PSD3: variants seen among roughly 807,000 people sequenced by gnomAD.
PSD3 encodes PH and SEC7 domain-containing protein 3.
Under a neutral mutation model 105.5 loss-of-function variants are expected in PSD3, and 49 were observed. The observed-to-expected ratio is 0.46, with a 90% confidence interval of 0.37 to 0.59. The LOEUF is 0.59. PSD3 is among the 20% of genes least tolerant of loss of function. PSD3 has a pLI of 0.00. For missense variants in PSD3, 1,561 were observed against 1,263.8 expected (o/e 1.24, Z -3.57); for synonymous variants, 557 against 457.8 (o/e 1.22, Z -2.77).
chr8:18,757,151 C>T (rs1197013993), intron 9 of PSD3, among the ~76,000 whole-genome samples: 12 of 150,004 alleles, frequency 8.0e-5, no homozygotes, highest in African/African-American at 2.2e-4. Flanking sequence ...GCCTAACAGG[C>T]CAAATAAACA....
chr8:18,553,421 A>C (rs1800893672), intron 15 of PSD3, among the ~76,000 whole-genome samples: 2 of 152,224 alleles, frequency 1.3e-5, no homozygotes, highest in Non-Finnish European at 2.9e-5. Context: ...GTCCTGTTAA[A>C]ACAATGAATA....
intron 1 of PSD3, among the ~76,000 whole-genome samples, chr8:18,961,632 A>T (rs1201531909): frequency 1.3e-5 from 2 of 152,186 alleles, no homozygotes; most frequent in Admixed American, 1.3e-4. Flanking sequence ...CGGAGGTTGC[A>T]GCGAGCCGAG....
intron 12 of PSD3, among the ~76,000 whole-genome samples, chr8:18,579,766 A>G (rs1426506251): frequency 1.3e-5 from 2 of 152,232 alleles, no homozygotes; most frequent in African/African-American, 4.8e-5. Context: ...GAAAATGACC[A>G]AATTGTAATT....
chr8:18,672,483 T>C (rs1799838668), intron 9 of PSD3, among the ~76,000 whole-genome samples: 1 of 152,128 alleles, frequency 6.6e-6, no homozygotes. Flanking sequence ...AAACGATCAA[T>C]ACAAACAAAT....
At chr8:18,710,115 G>A (rs926824635) in intron 9 of PSD3, among the ~76,000 whole-genome samples, 2 of 152,132 alleles carry the variant, frequency 1.3e-5, no homozygotes, top group African/African-American at 4.8e-5. Flanking sequence ...TACAGGACCT[G>A]TTAACCAGAA....
At chr8:18,796,111 T>G (rs772455773) in intron 8 of PSD3, among the ~76,000 whole-genome samples, 1 of 152,182 alleles carries the variant, frequency 6.6e-6, no homozygotes, top group African/African-American at 2.4e-5. Flanking sequence ...AAGTAGATAC[T>G]CTTGCTAGGA....
chr8:18,904,502 T>C (rs1819713623), intron 2 of PSD3, among the ~76,000 whole-genome samples: 1 of 152,224 alleles, frequency 6.6e-6, no homozygotes, highest in African/African-American at 2.4e-5. Context: ...AGGTTTAATG[T>C]CTTCCCTGCT....
intron 10 of PSD3, among the ~76,000 whole-genome samples, chr8:18,652,081 G>A (rs983194824): frequency 1.3e-5 from 2 of 152,152 alleles, no homozygotes; most frequent in Admixed American, 6.6e-5. Context: ...GGGTGTCAAA[G>A]ATGATGTAAA....
chr8:18,953,203 A>T (rs1039778429), intron 1 of PSD3, among the ~76,000 whole-genome samples: 3 of 152,214 alleles, frequency 2.0e-5, no homozygotes, highest in Admixed American at 1.3e-4. Flanking sequence ...AAAAAGACTG[A>T]CAATCAATTT....
rs111596349 is a variant in PSD3, at chr8:18,978,557, AT to A, written c.21+35005del. On this transcript the variant is annotated intron_variant, in intron 1 of 15. Transcript: ENST00000327040. ...TCTCTCCATAACCTGAGATGGCTACATCTATGGTTGGACTGGACTAGAGGCA... is the reference window on the plus strand; with the variant it reads ...TCTCTCCATAACCTGAGATGGCTACACTATGGTTGGACTGGACTAGAGGCA... Among the ~76,000 whole-genome samples the A allele has an allele frequency of 2.8e-3, 430 of 152,282 alleles. 2 individuals are homozygous for A. Among genetic ancestry groups the A allele is most frequent in the African/African-American group, 9.9e-3 (411 of 41,572 alleles).
At chr8:18,827,160 C>T (rs982694707) in intron 4 of PSD3, among the ~76,000 whole-genome samples, 2 of 152,210 alleles carry the variant, frequency 1.3e-5, no homozygotes, top group African/African-American at 4.8e-5. Context: ...ATACCCAGAA[C>T]TTCATAGTCT....
chr8:19,080,266 T>C (rs1225957862), intron 1 of PSD3, among the ~76,000 whole-genome samples: 4 of 152,224 alleles, frequency 2.6e-5, no homozygotes, highest in Non-Finnish European at 5.9e-5. Flanking sequence ...ATAGGTATTA[T>C]AGAATTTTTG....
chr8:18,857,780 C>G (rs138668273), intron 4 of PSD3, among the ~76,000 whole-genome samples: 1 of 152,132 alleles, frequency 6.6e-6, no homozygotes, highest in South Asian at 2.1e-4. Flanking sequence ...CAAGTGAATG[C>G]TGTTGGGTGG....
At chr8:18,880,000 A>G (rs889669671) in intron 2 of PSD3, among the ~76,000 whole-genome samples, 4 of 152,160 alleles carry the variant, frequency 2.6e-5, no homozygotes, top group Non-Finnish European at 1.5e-5. Context: ...CTTAATTATC[A>G]TGTCCCTAAG....
At chr8:18,620,342 G>GTTTTTTTTTT (rs57785765) in intron 11 of PSD3, among the ~76,000 whole-genome samples, 3 of 121,728 alleles carry the variant, frequency 2.5e-5, no homozygotes, top group African/African-American at 6.2e-5. Context: ...TTGGGTTTGT[G>GTTTTTTTTTT]TTTTTTTTTT....
rs1263120091 is a variant in PSD3, at chr8:18,850,264, TC to T, written c.1634+17409del. Among the ~76,000 whole-genome samples the T allele has an allele frequency of 2.0e-5, 3 of 152,336 alleles. No individual in the cohort carries two copies. The East Asian group carries it at 5.8e-4, about 29-fold the overall frequency. On this transcript the variant is annotated intron_variant, in intron 4 of 15. Transcript: ENST00000327040. ...ATTGTTGCCTCACGCTGAAAGATATTCATTCTCCATGTCTTCTCATGGTGGC... is the reference window on the plus strand; with the variant it reads ...ATTGTTGCCTCACGCTGAAAGATATTATTCTCCATGTCTTCTCATGGTGGC...
At position 18,596,369 on chromosome 8, in the gene PSD3, A is replaced by C. The variant is rs74420836; in HGVS notation, c.2481+3995T>G. Among the ~76,000 whole-genome samples the C allele has an allele frequency of 5.9e-5, 9 of 152,190 alleles. No homozygotes were observed. The East Asian group carries it at 1.7e-3, about 29-fold the overall frequency. On this transcript the variant is annotated intron_variant, in intron 12 of 15. Transcript: ENST00000327040. The stretch of plus-strand genomic sequence containing the variant: ...GTAATGCAAAGTTAGCACAGGAAAG[A>C]AACAATAAAGATTAGAGCAGAAATA...
chr8:18,642,904 A>G (rs1456772008), intron 10 of PSD3, among the ~76,000 whole-genome samples: 1 of 152,200 alleles, frequency 6.6e-6, no homozygotes, highest in African/African-American at 2.4e-5. Flanking sequence ...CCAGTTTCCT[A>G]TACACCTGAG....
intron 4 of PSD3, among the ~76,000 whole-genome samples, chr8:18,842,385 T>G (rs913526159): frequency 4.6e-5 from 7 of 152,228 alleles, no homozygotes; most frequent in Non-Finnish European, 7.3e-5. Flanking sequence ...GAAAAACAAT[T>G]TTGGTTCTCT....
Sources: allele counts gnomAD v4.1 joint callset (sites outside exome capture counted in the v4.1 genomes callset), GRCh38; gene constraint gnomAD v4.1.1; transcripts MANE v1.5; gene names NCBI Gene and HGNC (gene_info 2026-07-23, HGNC 2026-07-21).